Variants in PHF21A observed in about 807,000 individuals in gnomAD.
PHF21A encodes BHC80a.
A neutral mutation model predicts 82.5 loss-of-function variants in PHF21A; 11 were observed. The ratio of observed to expected loss-of-function variants is 0.13; its 90% CI spans 0.08 to 0.22. The LOEUF (loss-of-function observed/expected upper bound fraction) is 0.22, where lower values mean the gene tolerates loss of function less well. Ranked by LOEUF, PHF21A falls within the 10% of genes least tolerant of loss-of-function variation. The pLI is 1.00. For synonymous variants in PHF21A, 297 were observed against 302.8 expected (o/e 0.98, Z 0.20); for missense variants, 579 against 837.8 (o/e 0.69, Z 3.81).
At chr11:46,015,127 G>A (rs2095491680) in intron 6 of PHF21A, among the ~76,000 whole-genome samples, 1 of 151,988 alleles carries the variant, frequency 6.6e-6, no homozygotes, top group Admixed American at 6.6e-5. Flanking sequence ...CATGTTTGTT[G>A]ACTGCTTGTA....
intron 6 of PHF21A, among the ~76,000 whole-genome samples, chr11:46,045,967 G>A (rs142138238): frequency 1.1e-4 from 16 of 152,230 alleles, no homozygotes; most frequent in Non-Finnish European, 1.5e-4. Context: ...ATAAAGTACC[G>A]TATTAAAACT....
In PHF21A at chr11:46,121,181, A is replaced by ACTCTCTCTCTCTCTCTCTCT. The variant is rs60788619; in HGVS notation, c.-503_-484dup. On this transcript the variant is annotated 5_prime_UTR_variant, in exon 1 of 19. Coordinates refer to ENST00000676320, the MANE Select transcript of PHF21A (RefSeq NM_001352027.3). Reference sequence around the variant, plus strand: ...CTCTCCTCTCCTCTCTCTCTCACTCACTCTCTCTCTCTCTCTCTCTCTGGG... The same window carrying ACTCTCTCTCTCTCTCTCTCT: ...CTCTCCTCTCCTCTCTCTCTCACTCACTCTCTCTCTCTCTCTCTCTCTCTCTCTCTCTCTCTCTCTCTGGG... The ACTCTCTCTCTCTCTCTCTCT allele has an allele frequency of 7.9e-5, 10 of 126,358 alleles. No homozygotes were observed. In the East Asian group the frequency reaches 1.8e-3, roughly 22 times the overall value. 7.8% of individuals were successfully genotyped at this position (126,358 alleles called of 1,614,324 possible).
chr11:46,062,646 T>C (rs539080993), intron 6 of PHF21A, among the ~76,000 whole-genome samples: 1 of 152,314 alleles, frequency 6.6e-6, no homozygotes, highest in African/African-American at 2.4e-5. Context: ...TATCTAGTGA[T>C]TCTTGGCTAT....
intron 15 of PHF21A, among the ~76,000 whole-genome samples, chr11:45,941,543 G>C (rs1407782727): frequency 1.3e-5 from 2 of 152,102 alleles, no homozygotes; most frequent in African/African-American, 4.8e-5. Context: ...TTGATTTTAT[G>C]ACTCCCTGAA....
chr11:46,049,552 G>C (rs2096313883), intron 6 of PHF21A: 1 of 453,150 alleles, frequency 2.2e-6, no homozygotes, highest in Non-Finnish European at 4.4e-6. Context: ...GTGTGGCGGG[G>C]GAAGGAGGGA....
chr11:46,060,423 T>C (rs2060074891), intron 6 of PHF21A, among the ~76,000 whole-genome samples: 1 of 152,176 alleles, frequency 6.6e-6, no homozygotes. Context: ...AGAAACAAGT[T>C]GTAATCTTAG....
intron 5 of PHF21A, 76 bp downstream of exon 5, chr11:46,079,054 ATATT>A: frequency 1.3e-6 from 1 of 799,684 alleles, no homozygotes; most frequent in South Asian, 1.9e-5. Flanking sequence ...AGTACCATCT[ATATT>A]TAAGTATTTT....
At chr11:45,941,949 T>C (rs1037555140) in intron 15 of PHF21A, among the ~76,000 whole-genome samples, 1 of 152,134 alleles carries the variant, frequency 6.6e-6, no homozygotes, top group Non-Finnish European at 1.5e-5. Context: ...GTCTGGTAGG[T>C]TTTGTATTAT....
At chr11:45,977,030 A>G (rs2094060291) in intron 7 of PHF21A, among the ~76,000 whole-genome samples, 1 of 152,138 alleles carries the variant, frequency 6.6e-6, no homozygotes. Context: ...GTGCTATACA[A>G]CACTGTTTTG....
chr11:46,016,809 T>A (rs2095526299), intron 6 of PHF21A, among the ~76,000 whole-genome samples: 1 of 151,740 alleles, frequency 6.6e-6, no homozygotes, highest in South Asian at 2.1e-4. Flanking sequence ...ATTACATGAT[T>A]CTATCATCTA....
chr11:45,955,856 A>C (rs937290991), intron 10 of PHF21A, among the ~76,000 whole-genome samples: 1 of 152,198 alleles, frequency 6.6e-6, no homozygotes, highest in African/African-American at 2.4e-5. Context: ...CCAGTGAAGA[A>C]GTGAGGTCTG....
intron 6 of PHF21A, among the ~76,000 whole-genome samples, chr11:46,049,192 C>T (rs540181107): frequency 1.3e-5 from 2 of 152,336 alleles, no homozygotes; most frequent in African/African-American, 2.4e-5. Flanking sequence ...TTTTTACACA[C>T]AAACTAATGT....
At chr11:45,980,511 T>C (rs1462233487) in intron 6 of PHF21A, among the ~76,000 whole-genome samples, 1 of 152,184 alleles carries the variant, frequency 6.6e-6, no homozygotes, top group African/African-American at 2.4e-5. Flanking sequence ...TTATTATTAT[T>C]ATTAGAGATA....
At position 45,971,300 on chromosome 11, in the gene PHF21A, G is replaced by A. The variant is rs745674353; in HGVS notation, c.428C>T (p.Ala143Val). 3.1e-6 allele frequency: 5 copies of A among 1,614,016 alleles called. No homozygotes were observed. The highest frequency in any genetic ancestry group is 1.3e-5 in the African/African-American group (1 of 74,928). Reference protein sequence around the residue: ...TLPLVLKAATATMPASVVGQR... With the variant: ...TLPLVLKAATVTMPASVVGQR... ...GCCCACCACAGAGGCAGGCATGGTC[G>A]CAGTTGCTGCTTTCAAGACGAGAGG... is the stretch of plus-strand genomic sequence containing the variant. Residue 143 changes from alanine to valine, a missense_variant, in exon 8 of 19, where the codon GCG (alanine) becomes GTG (valine). Coordinates refer to ENST00000676320, the MANE Select transcript of PHF21A (RefSeq NM_001352027.3).
chr11:45,983,970 G>A (rs1203630194), intron 6 of PHF21A, among the ~76,000 whole-genome samples: 1 of 152,064 alleles, frequency 6.6e-6, no homozygotes, highest in Non-Finnish European at 1.5e-5. Context: ...GACTGCTGCT[G>A]GTCACTGACG....
At chr11:46,017,607 C>T (rs1032891821) in intron 6 of PHF21A, among the ~76,000 whole-genome samples, 6 of 151,434 alleles carry the variant, frequency 4.0e-5, no homozygotes, top group African/African-American at 1.5e-4. Context: ...CCTCCCTCAT[C>T]TCCTCAAAAA....
chr11:46,061,587 C>T (rs1323427159), intron 6 of PHF21A, among the ~76,000 whole-genome samples: 1 of 152,048 alleles, frequency 6.6e-6, no homozygotes, highest in African/African-American at 2.4e-5. Flanking sequence ...CCATACTTTC[C>T]AAAGAAACTA....
intron 1 of PHF21A, among the ~76,000 whole-genome samples, chr11:46,113,138 T>C (rs1403336220): frequency 6.6e-6 from 1 of 152,204 alleles, no homozygotes; most frequent in Non-Finnish European, 1.5e-5. Context: ...TTAAATCAAC[T>C]ACAGGTCCCA....
Position 46,052,946 on chromosome 11 carries a change from T to C in PHF21A, c.153+23808A>G, listed in dbSNP as rs552036717. 5.3e-5 allele frequency among the ~76,000 whole-genome samples: 8 copies of C among 152,266 alleles called. 1 individual carries two copies. The South Asian group carries it at 1.7e-3, about 32-fold the overall frequency. On this transcript the variant is annotated intron_variant, in intron 6 of 18. Coordinates refer to ENST00000676320, the MANE Select transcript of PHF21A (RefSeq NM_001352027.3). ...GTGAGTGCCCATGCAGATACACATGTGCTACAAGATGAAGTAGAAGAATAA... is the reference window on the plus strand; with the variant it reads ...GTGAGTGCCCATGCAGATACACATGCGCTACAAGATGAAGTAGAAGAATAA...
Sources: allele counts gnomAD v4.1 joint callset (sites outside exome capture counted in the v4.1 genomes callset), GRCh38; gene constraint gnomAD v4.1.1; transcripts MANE v1.5; gene names NCBI Gene and HGNC (gene_info 2026-07-23, HGNC 2026-07-21).